FNBP1L: variants seen among roughly 807,000 people sequenced by gnomAD.
FNBP1L encodes the protein formin-binding protein 1-like.
Under a neutral mutation model 91.2 loss-of-function variants are expected in FNBP1L, and 36 were observed. The ratio of observed to expected loss-of-function variants is 0.39; its 90% CI spans 0.30 to 0.52. The LOEUF is 0.52. Among genes scored for constraint, FNBP1L ranks in the 20% least tolerant of loss-of-function variants. The pLI is 0.66. For missense variants in FNBP1L, 571 were observed against 732.1 expected (o/e 0.78, Z 2.54); for synonymous variants, 242 against 237.0 (o/e 1.02, Z -0.19).
intron 1 of FNBP1L, among the ~76,000 whole-genome samples, chr1:93,456,974 G>A (rs549736174): frequency 3.4e-4 from 52 of 152,026 alleles, no homozygotes; most frequent in Non-Finnish European, 4.1e-4. Context: ...CTGCAGCCTC[G>A]ACCTACCTGG....
At chr1:93,474,589 A>G (rs1669428044) in intron 1 of FNBP1L, among the ~76,000 whole-genome samples, 1 of 152,210 alleles carries the variant, frequency 6.6e-6, no homozygotes, top group African/African-American at 2.4e-5. Context: ...TTCTTTTGAA[A>G]CAAAACAGGC....
At chr1:93,508,299 A>T (rs1239602003) in intron 2 of FNBP1L, among the ~76,000 whole-genome samples, 1 of 152,146 alleles carries the variant, frequency 6.6e-6, no homozygotes, top group Non-Finnish European at 1.5e-5. Context: ...TAGTGAGCCA[A>T]GATTGTGCCA....
At chr1:93,541,188 T>A in intron 11 of FNBP1L, 132 bp downstream of exon 11, 1 of 850,880 alleles carries the variant, frequency 1.2e-6, no homozygotes, top group Non-Finnish European at 1.9e-6. Flanking sequence ...TTTTATAGTT[T>A]CATAGTCCAG....
chr1:93,468,405 T>C (rs1669166086), intron 1 of FNBP1L, among the ~76,000 whole-genome samples: 2 of 152,294 alleles, frequency 1.3e-5, no homozygotes, highest in South Asian at 4.1e-4. Flanking sequence ...TGCTGCTGTG[T>C]GCTGTGAACA....
At chr1:93,477,523 C>T (rs1325942726) in intron 1 of FNBP1L, among the ~76,000 whole-genome samples, 3 of 152,278 alleles carry the variant, frequency 2.0e-5, no homozygotes, top group East Asian at 1.9e-4. Flanking sequence ...TGCAAACTTT[C>T]GGGTGCACTT....
In FNBP1L at chr1:93,511,945, G is replaced by A. The variant is rs1325570048; in HGVS notation, c.141-10137G>A. 1.1e-3 allele frequency among the ~76,000 whole-genome samples: 133 copies of A among 126,282 alleles called. 2 individuals carry two copies. Among genetic ancestry groups the A allele is most frequent in the Non-Finnish European group, 2.3e-4 (14 of 61,712 alleles). 82.8% of individuals were successfully genotyped at this position (126,282 alleles called of 152,430 possible). ...CCCGCCACTGCACTCCAGCCTGGGCGACAGAGCGAGACTCCGTCTCAAAAA... is the reference window on the plus strand; with the variant it reads ...CCCGCCACTGCACTCCAGCCTGGGCAACAGAGCGAGACTCCGTCTCAAAAA... On this transcript the variant is annotated intron_variant, in intron 2 of 16. Transcript: ENST00000271234.
intron 1 of FNBP1L, among the ~76,000 whole-genome samples, chr1:93,483,654 A>G (rs1669795328): frequency 6.6e-6 from 1 of 152,226 alleles, no homozygotes; most frequent in African/African-American, 2.4e-5. Context: ...AATAGACCAT[A>G]TATAGATAAA....
At chr1:93,479,863 G>C (rs1350886243) in intron 1 of FNBP1L, among the ~76,000 whole-genome samples, 1 of 152,094 alleles carries the variant, frequency 6.6e-6, no homozygotes, top group Non-Finnish European at 1.5e-5. Context: ...CAATCAGTTT[G>C]TACAATAGTG....
chr1:93,551,298 G>A, intron 16 of FNBP1L, 193 bp downstream of exon 16: 2 of 1,255,932 alleles, frequency 1.6e-6, no homozygotes, highest in Non-Finnish European at 1.0e-6. Flanking sequence ...GAAACATTTT[G>A]TGGCACTTTA....
chr1:93,496,697 C>T (rs1281381429), intron 1 of FNBP1L, among the ~76,000 whole-genome samples: 1 of 152,026 alleles, frequency 6.6e-6, no homozygotes, highest in Non-Finnish European at 1.5e-5. Context: ...AGCCATCTAG[C>T]CTTTTTTATG....
intron 12 of FNBP1L, among the ~76,000 whole-genome samples, chr1:93,546,220 G>A (rs1672230317): frequency 6.6e-6 from 1 of 152,084 alleles, no homozygotes; most frequent in African/African-American, 2.4e-5. Context: ...GGAGGGAAAA[G>A]AAAATGTAAC....
At chr1:93,457,000 A>C (rs1453472386) in intron 1 of FNBP1L, among the ~76,000 whole-genome samples, 2 of 151,978 alleles carry the variant, frequency 1.3e-5, no homozygotes, top group Non-Finnish European at 2.9e-5. Context: ...GTGATCCTCC[A>C]TCCTCAGCCT....
intron 14 of FNBP1L, among the ~76,000 whole-genome samples, chr1:93,548,890 C>T (rs1021770983): frequency 1.3e-5 from 2 of 152,092 alleles, no homozygotes; most frequent in African/African-American, 4.8e-5. Context: ...AACAATCCAC[C>T]TGAAGCGTGT....
chr1:93,470,627 C>CT (rs1170162709), intron 1 of FNBP1L, among the ~76,000 whole-genome samples: 10 of 151,868 alleles, frequency 6.6e-5, no homozygotes, highest in African/African-American at 2.4e-4. Flanking sequence ...AATCCTAGCA[C>CT]TTTGGGAGGC....
At chr1:93,529,036 T>TG (rs1304771159) in intron 5 of FNBP1L, among the ~76,000 whole-genome samples, 2 of 152,028 alleles carry the variant, frequency 1.3e-5, no homozygotes, top group African/African-American at 4.8e-5. Flanking sequence ...ATGTTCTTCG[T>TG]GGGACACCTG....
rs1672493368 is a variant in FNBP1L at position 93,553,826 on chromosome 1, G to C, written c.*1410G>C. The C allele has an allele frequency of 6.6e-6, 1 of 152,648 alleles. No individual in the cohort carries two copies. Among genetic ancestry groups the C allele is most frequent in the South Asian group, 2.1e-4 (1 of 4,838 alleles). 9.5% of individuals were successfully genotyped at this position (152,648 alleles called of 1,614,324 possible). On this transcript the variant is annotated 3_prime_UTR_variant, in exon 17 of 17. Transcript: ENST00000271234. ...TTTCTTAGTGGTGTTGTAATAGGGA[G>C]ATGGGGCAGGTGGGGGGTTATTTGT...
intron 2 of FNBP1L, among the ~76,000 whole-genome samples, chr1:93,509,453 G>T (rs1265778303): frequency 6.6e-6 from 1 of 152,204 alleles, no homozygotes; most frequent in African/African-American, 2.4e-5. Context: ...GAAAGTGTGT[G>T]AAATAACATG....
At chr1:93,545,705 A>G (rs1433667720) in intron 12 of FNBP1L, among the ~76,000 whole-genome samples, 1 of 152,110 alleles carries the variant, frequency 6.6e-6, no homozygotes, top group African/African-American at 2.4e-5. Context: ...GCCTTTAACA[A>G]TCCAGGTGAG....
At chr1:93,477,495 G>A (rs1206840605) in intron 1 of FNBP1L, among the ~76,000 whole-genome samples, 1 of 152,194 alleles carries the variant, frequency 6.6e-6, no homozygotes, top group Non-Finnish European at 1.5e-5. Flanking sequence ...TAAAATAGTA[G>A]CTTGTATATG....
Sources: gnomAD v4.1 joint callset for allele counts (sites outside exome capture counted in the v4.1 genomes callset) on GRCh38, gnomAD v4.1.1 for gene constraint, MANE v1.5 for transcripts, NCBI Gene and HGNC (gene_info 2026-07-23, HGNC 2026-07-21) for gene names.